The following GPSM2 variants were observed in gnomAD, a reference collection of about 807,000 sequenced individuals.
The protein encoded by GPSM2 is G protein-signaling modulator 2.
GPSM2 carries 58 observed loss-of-function variants against 78.4 expected under a neutral mutation model. The observed-to-expected ratio is 0.74, with a 90% CI of 0.60 to 0.92. The LOEUF is 0.92. Ranked by LOEUF, GPSM2 falls within the 40% of genes least tolerant of loss-of-function variation. The pLI, the probability that GPSM2 is intolerant of heterozygous loss-of-function variation, is 0.00. For missense variants in GPSM2, 700 were observed against 815.5 expected, an observed-to-expected ratio of 0.86 and a Z score of 1.73; for synonymous variants, 224 against 280.2, an observed-to-expected ratio of 0.80 and a Z score of 2.00.
intron 10 of GPSM2, among the ~76,000 whole-genome samples, chr1:108,904,808 ATTTG>A (rs1264171732): frequency 1.3e-5 from 2 of 151,028 alleles, no homozygotes; most frequent in Non-Finnish European, 3.0e-5. Flanking sequence ...TTAGGTGCCG[ATTTG>A]TTTGACATTT....
intron 1 of GPSM2, among the ~76,000 whole-genome samples, chr1:108,883,930 C>T (rs1557853654): frequency 6.6e-6 from 1 of 151,942 alleles, no homozygotes; most frequent in Non-Finnish European, 1.5e-5. Context: ...TTGGTGGGGG[C>T]AGACAGAGTT....
At chr1:108,879,514 A>G (rs1665790198) in intron 1 of GPSM2, among the ~76,000 whole-genome samples, 1 of 152,214 alleles carries the variant, frequency 6.6e-6, no homozygotes, top group Non-Finnish European at 1.5e-5. Flanking sequence ...TGGGGAAAAA[A>G]TACCAGCAAG....
chr1:108,878,352 ATTAC>A (rs1214276429), intron 1 of GPSM2, among the ~76,000 whole-genome samples: 1 of 152,150 alleles, frequency 6.6e-6, no homozygotes, highest in East Asian at 1.9e-4. Flanking sequence ...TTCCCAGGCT[ATTAC>A]TTATAATTTA....
Position 108,898,110 on chromosome 1 carries a change from G to A in GPSM2, c.557+9G>A, listed in dbSNP as rs777297395. 1.2e-6 allele frequency: 2 copies of A among 1,612,488 alleles called. No homozygotes were observed. Among genetic ancestry groups the A allele is most frequent in the Admixed American group, 1.7e-5 (1 of 60,020 alleles). On this transcript the variant is annotated intron_variant, in intron 5 of 14. Coordinates refer to ENST00000264126, the MANE Select transcript of GPSM2 (RefSeq NM_013296.5). ...GCCGTGGATTTTTATGAGTGAGTAGGGGCTGATATGGGCAGTCATGTAGGC... is the reference window on the plus strand; with the variant it reads ...GCCGTGGATTTTTATGAGTGAGTAGAGGCTGATATGGGCAGTCATGTAGGC...
chr1:108,932,065 G>A lies in GPSM2; in HGVS notation c.*2125G>A, dbSNP rs1361093702. 1 of 152,326 alleles carries A rather than the reference G, an allele frequency of 6.6e-6. No individual in the cohort carries two copies. The highest frequency in any genetic ancestry group is 1.5e-5 in the Non-Finnish European group (1 of 68,190). 9.4% of individuals were successfully genotyped at this position (152,326 alleles called of 1,614,324 possible). On this transcript the variant is annotated 3_prime_UTR_variant, in exon 15 of 15. Coordinates refer to ENST00000264126, the MANE Select transcript of GPSM2 (RefSeq NM_013296.5). The stretch of plus-strand genomic sequence containing the variant: ...ACAAGGGCGGGTCACTTGAGGTCAG[G>A]AGTTCGAGACCAGCCTGACCAACAT...
At chr1:108,916,832 T>C (rs367642550) in intron 11 of GPSM2, among the ~76,000 whole-genome samples, 1 of 152,228 alleles carries the variant, frequency 6.6e-6, no homozygotes, top group Non-Finnish European at 1.5e-5. Flanking sequence ...ATTCTCAACA[T>C]AGTAAAGAAG....
In GPSM2 at chr1:108,897,034, A is replaced by C; in HGVS notation, c.227A>C (p.His76Pro). Reference sequence around the variant, plus strand: ...TTGGGCAATGCTTATTTCTATTTGCATGATTATGCCAAAGCATTAGAATAT... The same window carrying C: ...TTGGGCAATGCTTATTTCTATTTGCCTGATTATGCCAAAGCATTAGAATAT... ...SQLGNAYFYLHDYAKALEYHH... is the reference protein window; with the variant it reads ...SQLGNAYFYLPDYAKALEYHH... The change falls in exon 3 of 15, where the codon CAT (histidine) becomes CCT (proline). Residue 76 changes from histidine (H) to proline (P), a missense_variant. Physicochemically the swap from His to Pro is moderately conservative, Grantham distance 77 (BLOSUM62 -2). Coordinates refer to ENST00000264126, the MANE Select transcript of GPSM2 (RefSeq NM_013296.5). 1 of 1,613,718 alleles carries C rather than the reference A, an allele frequency of 6.2e-7. No individual in the cohort carries two copies. The highest frequency in any genetic ancestry group is 8.5e-7 in the Non-Finnish European group (1 of 1,179,680).
intron 2 of GPSM2, among the ~76,000 whole-genome samples, chr1:108,892,219 T>G (rs964999201): frequency 6.6e-6 from 1 of 152,306 alleles, no homozygotes; most frequent in Non-Finnish European, 1.5e-5. Context: ...TGTAAGCCCT[T>G]TGAAGCAAGA....
chr1:108,880,989 TAA>T (rs1665866516), intron 1 of GPSM2, among the ~76,000 whole-genome samples: 1 of 152,224 alleles, frequency 6.6e-6, no homozygotes, highest in Admixed American at 6.5e-5. Context: ...ATTTCTTTGA[TAA>T]AGAGCTAGCC....
At chr1:108,908,745 G>A (rs1390648636) in intron 10 of GPSM2, among the ~76,000 whole-genome samples, 1 of 87,650 alleles carries the variant, frequency 1.1e-5, no homozygotes, top group Non-Finnish European at 2.2e-5. Context: ...ACACGCCGGG[G>A]CAGTGGCTCA....
At position 108,903,194 on chromosome 1, in the gene GPSM2, C is replaced by G; in HGVS notation, c.1022C>G (p.Ala341Gly). ...AYTALGNHDQ[A>G]MHFAEKHLEI... The stretch of plus-strand genomic sequence containing the variant: ...ACAGCACTAGGAAATCATGATCAAG[C>G]AATGCATTTTGCTGAAAAGCACTTG... Residue 341 changes from alanine (A) to glycine (G), a missense_variant, in exon 9 of 15, where the codon GCA (alanine) becomes GGA (glycine). By Grantham distance (60) the Ala-to-Gly change is moderately conservative. Coordinates refer to ENST00000264126, the MANE Select transcript of GPSM2 (RefSeq NM_013296.5). The G allele has an allele frequency of 1.2e-6, 2 of 1,609,690 alleles. No homozygotes were observed. The highest frequency in any genetic ancestry group is 2.2e-5 in the South Asian group (2 of 90,970).
rs1247121439 is a variant in GPSM2, at chr1:108,898,897, G to C, written c.700G>C (p.Glu234Gln). The C allele has an allele frequency of 6.2e-7, 1 of 1,611,724 alleles. No individual in the cohort carries two copies. The highest frequency in any genetic ancestry group is 1.1e-5 in the South Asian group (1 of 91,014). Residue 234 changes from glutamate to glutamine, a missense_variant, in exon 7 of 15, where the codon GAA becomes CAA. Coordinates refer to ENST00000264126, the MANE Select transcript of GPSM2 (RefSeq NM_013296.5). Reference sequence around the variant, plus strand: ...GTTTCAGCGTCTCCTTATTGCAAAAGAATTTGGAGATAAAGCAGCTGAAAG... The same window carrying C: ...GTTTCAGCGTCTCCTTATTGCAAAACAATTTGGAGATAAAGCAGCTGAAAG... ...AHEQRLLIAKEFGDKAAERRA... is the reference protein window; with the variant it reads ...AHEQRLLIAKQFGDKAAERRA...
At chr1:108,917,611 C>CATATATATATATATAT (rs55909258) in intron 11 of GPSM2, among the ~76,000 whole-genome samples, 53 of 22,586 alleles carry the variant, frequency 2.3e-3, no homozygotes, top group African/African-American at 2.8e-3. Flanking sequence ...CACACACACA[C>CATATATATATATATAT]ATATATATAT....
At chr1:108,900,405 A>C (rs1250814165) in intron 7 of GPSM2, among the ~76,000 whole-genome samples, 1 of 151,906 alleles carries the variant, frequency 6.6e-6, no homozygotes, top group Non-Finnish European at 1.5e-5. Context: ...CGCCCAGCTA[A>C]TTTTTGTATT....
At chr1:108,884,743 A>G (rs1046021754) in intron 1 of GPSM2, among the ~76,000 whole-genome samples, 1 of 152,226 alleles carries the variant, frequency 6.6e-6, no homozygotes, top group Non-Finnish European at 1.5e-5. Context: ...TACCATATAC[A>G]TATTTCCCAA....
chr1:108,897,467 G>GT lies in GPSM2; in HGVS notation c.279-19dup, dbSNP rs1284593178. On this transcript the variant is annotated intron_variant, in intron 3 of 14. Transcript: ENST00000264126. ...GTATTTTAATACCATTTGGTTTTTT[G>GT]TTTTTTGTTTTTTGTTTTTTTCAGG... 5.1e-6 allele frequency: 8 copies of GT among 1,580,762 alleles called. No homozygotes were observed. In the Admixed American group the frequency reaches 7.3e-5, roughly 14 times the overall value.
intron 1 of GPSM2, among the ~76,000 whole-genome samples, chr1:108,883,896 T>G (rs1647303171): frequency 6.6e-6 from 1 of 151,602 alleles, no homozygotes; most frequent in Admixed American, 6.6e-5. Flanking sequence ...ACATTGAGGG[T>G]TTGTTGTTGT....
intron 2 of GPSM2, among the ~76,000 whole-genome samples, chr1:108,893,469 TC>T (rs1350013303): frequency 6.6e-6 from 1 of 152,222 alleles, no homozygotes; most frequent in Non-Finnish European, 1.5e-5. Flanking sequence ...GACATTTAAT[TC>T]ATTTGTGGTT....
chr1:108,896,339 TAAG>T (rs979433139), intron 2 of GPSM2, among the ~76,000 whole-genome samples: 3 of 152,080 alleles, frequency 2.0e-5, no homozygotes, highest in African/African-American at 2.4e-5. Flanking sequence ...CATGTGGTGG[TAAG>T]AAGAGGAAGG....
Sources: gnomAD v4.1 joint callset for allele counts (sites outside exome capture counted in the v4.1 genomes callset) on GRCh38, gnomAD v4.1.1 for gene constraint, MANE v1.5 for transcripts, NCBI Gene and HGNC (gene_info 2026-07-23, HGNC 2026-07-21) for gene names.